Variants in FBXO34 observed in about 807,000 individuals in gnomAD.
The protein encoded by FBXO34 is F-box only protein 34.
FBXO34 carries 12 observed loss-of-function variants against 24.5 expected under a neutral mutation model. The observed-to-expected ratio is 0.49, with a 90% confidence interval of 0.31 to 0.79. FBXO34 has a LOEUF of 0.79. FBXO34 is among the 30% of genes least tolerant of loss of function. The pLI, the probability that FBXO34 is intolerant of heterozygous loss-of-function variation, is 0.04. For missense variants in FBXO34, 823 were observed against 857.7 expected (o/e 0.96, Z 0.51); for synonymous variants, 320 against 311.9 (o/e 1.03, Z -0.27).
At chr14:55,279,146 G>A (rs1881444642) in intron 1 of FBXO34, among the ~76,000 whole-genome samples, 1 of 152,140 alleles carries the variant, frequency 6.6e-6, no homozygotes, top group Non-Finnish European at 1.5e-5. Flanking sequence ...AATTAGCTGG[G>A]CATGGTGGTG....
chr14:55,331,387 T>C (rs1161329786), intron 1 of FBXO34, among the ~76,000 whole-genome samples: 2 of 151,918 alleles, frequency 1.3e-5, no homozygotes, highest in Non-Finnish European at 2.9e-5. Flanking sequence ...ATGAATTATA[T>C]CCAAAAGAAG....
the FBXO34 span, chr14:55,395,012 G>T: frequency 4.3e-6 from 2 of 466,620 alleles, no homozygotes; most frequent in East Asian, 6.5e-5. Context: ...TTTTCTGCAG[G>T]TAAATCTTCA....
chr14:55,293,003 C>G (rs1321060871), intron 1 of FBXO34, among the ~76,000 whole-genome samples: 2 of 152,182 alleles, frequency 1.3e-5, no homozygotes, highest in African/African-American at 4.8e-5. Context: ...CTCCCTCAGC[C>G]TCTCTAGTAG....
At chr14:55,297,454 C>G (rs1247125234) in intron 1 of FBXO34, among the ~76,000 whole-genome samples, 1 of 152,132 alleles carries the variant, frequency 6.6e-6, no homozygotes, top group Non-Finnish European at 1.5e-5. Context: ...ATATTACCCA[C>G]TTATTAGGGT....
At chr14:55,369,934 A>G (rs757812087), downstream of FBXO34, 5 of 1,586,962 alleles carry the variant, frequency 3.2e-6, 1 homozygote, top group Non-Finnish European at 4.3e-6. Flanking sequence ...ACCTGTGTGC[A>G]GACAATGAGG....
At chr14:55,433,309 CTTTTTTTT>C in the FBXO34 span, among the ~76,000 whole-genome samples, 13,839 of 119,878 alleles carry the variant, frequency 0.12, 740 homozygotes, top group African/African-American at 0.15. Context: ...TTAGATTTCT[CTTTTTTTT>C]TTTTTTTTTT....
chr14:55,344,240 G>C (rs1011664748), intron 1 of FBXO34, among the ~76,000 whole-genome samples: 7 of 152,126 alleles, frequency 4.6e-5, no homozygotes, highest in African/African-American at 1.4e-4. Flanking sequence ...CCTCACAGCA[G>C]GGTCACCAGG....
intron 1 of FBXO34, among the ~76,000 whole-genome samples, chr14:55,310,956 A>C (rs1882717173): frequency 6.6e-6 from 1 of 152,014 alleles, no homozygotes; most frequent in African/African-American, 2.4e-5. Context: ...AAAAAAAAAA[A>C]CATCCAACCT....
At chr14:55,396,535 A>C in the FBXO34 span, among the ~76,000 whole-genome samples, 1 of 152,208 alleles carries the variant, frequency 6.6e-6, no homozygotes. Flanking sequence ...CTTGGGTTAC[A>C]CTTTGGGAAT....
At chr14:55,286,665 C>T (rs922674169) in intron 1 of FBXO34, among the ~76,000 whole-genome samples, 1 of 152,104 alleles carries the variant, frequency 6.6e-6, no homozygotes, top group Non-Finnish European at 1.5e-5. Context: ...ACGAAATTTC[C>T]ACACTAGTTA....
At chr14:55,435,311 T>C in the FBXO34 span, among the ~76,000 whole-genome samples, 1 of 150,584 alleles carries the variant, frequency 6.6e-6, no homozygotes, top group Non-Finnish European at 1.5e-5. Context: ...GGAGTCTCGC[T>C]GTTACCCAGG....
chr14:55,338,768 T>C lies in FBXO34; in HGVS notation c.-10-11613T>C, dbSNP rs536000468. ...AAAAATACAAAAAATTAGCTGGGCA[T>C]GGTGGCAGGCGCCTCTAGTCCCAGC... On this transcript the variant is annotated intron_variant, in intron 1 of 1. Transcript: ENST00000313833. Among the ~76,000 whole-genome samples the C allele has an allele frequency of 7.9e-5, 12 of 152,108 alleles. No individual in the cohort carries two copies. The South Asian group carries it at 1.2e-3, about 16-fold the overall frequency.
At chr14:55,369,708 G>A, downstream of FBXO34, 4 of 1,610,590 alleles carry the variant, frequency 2.5e-6, no homozygotes, top group Non-Finnish European at 3.4e-6. Context: ...CTCGCGATGG[G>A]TGGGGACGCC....
downstream of FBXO34, among the ~76,000 whole-genome samples, chr14:55,355,517 T>C (rs140075360): frequency 6.6e-6 from 1 of 152,334 alleles, no homozygotes; most frequent in Non-Finnish European, 1.5e-5. Context: ...AAAAACATTG[T>C]GTTTGTACTG....
downstream of FBXO34, chr14:55,354,456 C>G (rs1884489405): frequency 2.0e-5 from 3 of 152,358 alleles, no homozygotes; most frequent in South Asian, 6.2e-4. Flanking sequence ...TACACTGGCC[C>G]AGCCTGGACA....
At chr14:55,304,206 A>C (rs1393782521) in intron 1 of FBXO34, among the ~76,000 whole-genome samples, 2 of 152,188 alleles carry the variant, frequency 1.3e-5, no homozygotes, top group African/African-American at 4.8e-5. Context: ...ATCATTAAAA[A>C]CAGTAAAAAC....
intron 1 of FBXO34, among the ~76,000 whole-genome samples, chr14:55,341,283 G>GA (rs1337520305): frequency 6.6e-6 from 1 of 152,174 alleles, no homozygotes; most frequent in Non-Finnish European, 1.5e-5. Context: ...GGGGATGGTG[G>GA]AAAATGAAGA....
intron 1 of FBXO34, among the ~76,000 whole-genome samples, chr14:55,342,423 G>C (rs1884023067): frequency 6.6e-6 from 1 of 152,120 alleles, no homozygotes; most frequent in African/African-American, 2.4e-5. Context: ...TGATTTTAGA[G>C]AATATTCCCT....
intron 1 of FBXO34, among the ~76,000 whole-genome samples, chr14:55,281,991 CTTTTTTT>C (rs372305828): frequency 0.11 from 7,099 of 65,272 alleles, 325 homozygotes; most frequent in South Asian, 0.16. Context: ...TTAAATTTAG[CTTTTTTT>C]TTTTTTTTTT....
Sources: allele counts gnomAD v4.1 joint callset (sites outside exome capture counted in the v4.1 genomes callset), GRCh38; gene constraint gnomAD v4.1.1; transcripts MANE v1.5; gene names NCBI Gene and HGNC (gene_info 2026-07-23, HGNC 2026-07-21).